MTAP: variants seen among roughly 807,000 people sequenced by gnomAD.
MTAP encodes the protein methylthioadenosine phosphorylase, also known as S-methyl-5'-thioadenosine phosphorylase.
MTAP carries 33 observed loss-of-function variants against 33.6 expected under a neutral mutation model. That is an observed-to-expected ratio of 0.98 (90% CI 0.74 to 1.31). MTAP has a LOEUF of 1.31. MTAP is among the 40% of genes most tolerant of loss of function. The pLI is 0.00. For missense variants in MTAP, 367 were observed against 360.0 expected (o/e 1.02, Z -0.16); for synonymous variants, 148 against 125.7 (o/e 1.18, Z -1.19).
rs1818355344 is a variant in MTAP, at chr9:21,899,597, C to CAT, written c.148-31410_148-31409insTA. 2.0e-5 allele frequency among the ~76,000 whole-genome samples: 3 copies of CAT among 152,210 alleles called. No individual in the cohort carries two copies. In the South Asian group the frequency reaches 6.2e-4, roughly 32 times the overall value. On this transcript the variant is annotated intron_variant, in intron 1 of 1. Transcript: ENST00000577563. ...AACGGGAAGCAAGACACCTTCTTTA[C>CAT]AGGGTGGCAGGACAGAGTGAGTGCA...
At chr9:21,926,095 A>G (rs1486462375) in intron 1 of MTAP, among the ~76,000 whole-genome samples, 1 of 152,210 alleles carries the variant, frequency 6.6e-6, no homozygotes, top group African/African-American at 2.4e-5. Flanking sequence ...GAAGTCACAC[A>G]CAAGGATGAA....
intron 1 of MTAP, among the ~76,000 whole-genome samples, chr9:21,924,148 G>T (rs1005876295): frequency 6.6e-6 from 1 of 152,168 alleles, no homozygotes; most frequent in African/African-American, 2.4e-5. Flanking sequence ...AGTAAGACAG[G>T]TTCATTCTGG....
At chr9:21,925,086 T>C (rs1190087165) in intron 1 of MTAP, among the ~76,000 whole-genome samples, 2 of 152,306 alleles carry the variant, frequency 1.3e-5, no homozygotes, top group South Asian at 2.1e-4. Context: ...TCAGCCCCAA[T>C]TGGGATTACA....
chr9:21,831,652 A>G (rs893705221), intron 4 of MTAP, among the ~76,000 whole-genome samples: 5 of 152,212 alleles, frequency 3.3e-5, no homozygotes, highest in Non-Finnish European at 7.3e-5. Flanking sequence ...AAAGGATCAG[A>G]TGAGTAGGAC....
intron 1 of MTAP, chr9:21,813,852 G>T (rs1478649778): frequency 6.6e-6 from 1 of 152,178 alleles, no homozygotes; most frequent in Non-Finnish European, 1.5e-5. Flanking sequence ...AGATGGAGAA[G>T]CCAGGCTAAG....
In MTAP at chr9:21,865,242, A is replaced by G; in HGVS notation, c.*3228A>G. On this transcript the variant is annotated 3_prime_UTR_variant, in exon 8 of 8. Transcript: ENST00000644715. ...TCTCACAAGTCCTGTTTGTTTTATA[A>G]GGGGCTTTTCCCCCTTTTGCTCAAC... The G allele has an allele frequency of 2.1e-6, 1 of 479,972 alleles. No individual in the cohort carries two copies. The highest frequency in any genetic ancestry group is 2.7e-6 in the Non-Finnish European group (1 of 368,150). The allele number at this position is 479,972 out of a possible 1,614,324, so 29.7% of individuals were successfully genotyped here. A position where few individuals can be genotyped will look rare whatever the true frequency, so the allele number is the denominator to read the frequency against.
rs4007652 is a variant in MTAP at position 21,815,590 on chromosome 9, T to TAAAAAAA, written c.120+79_120+85dup. ...CTCCTTGCTGGCTTGATTTTTGAAT[T>TAAAAAAA]AAAAAAAAAAAAAAGAATTGCTTTT... On this transcript the variant is annotated intron_variant, in intron 2 of 7. Coordinates refer to ENST00000644715, the MANE Select transcript of MTAP (RefSeq NM_002451.4). The TAAAAAAA allele has an allele frequency of 2.2e-5, 17 of 757,928 alleles. No homozygotes were observed. The African/African-American group carries it at 2.7e-4, about 12-fold the overall frequency. 47.0% of individuals were successfully genotyped at this position (757,928 alleles called of 1,614,324 possible). A position where few individuals can be genotyped will look rare whatever the true frequency, so the allele number is the denominator to read the frequency against.
At chr9:21,847,130 C>T (rs565434546) in intron 5 of MTAP, among the ~76,000 whole-genome samples, 8 of 152,328 alleles carry the variant, frequency 5.3e-5, no homozygotes, top group East Asian at 1.9e-4. Context: ...ATCTTTCTCC[C>T]GTGCTGGATA....
At chr9:21,883,704 T>G (rs1818055137) in intron 1 of MTAP, among the ~76,000 whole-genome samples, 1 of 149,810 alleles carries the variant, frequency 6.7e-6, no homozygotes, top group Admixed American at 6.7e-5. Flanking sequence ...AAAAATCTGC[T>G]GATGTAGCCA....
At chr9:21,841,891 C>G (rs992565299) in intron 5 of MTAP, among the ~76,000 whole-genome samples, 1 of 152,160 alleles carries the variant, frequency 6.6e-6, no homozygotes, top group Non-Finnish European at 1.5e-5. Context: ...CCCAAAAGAT[C>G]ACACCAGCTC....
intron 4 of MTAP, among the ~76,000 whole-genome samples, chr9:21,832,549 TCTTCACCTTC>T (rs1175678358): frequency 3.3e-5 from 5 of 152,194 alleles, no homozygotes. Context: ...AAGCATAAAC[TCTTCACCTTC>T]CTTCACCTTC....
chr9:21,914,129 CAAT>C (rs1163162289), intron 1 of MTAP, among the ~76,000 whole-genome samples: 1 of 152,144 alleles, frequency 6.6e-6, no homozygotes, highest in Non-Finnish European at 1.5e-5. Context: ...AGTCAGGAAA[CAAT>C]AGGTGCTGGA....
At chr9:21,833,605 C>A (rs1242294514) in intron 4 of MTAP, among the ~76,000 whole-genome samples, 1 of 152,180 alleles carries the variant, frequency 6.6e-6, no homozygotes, top group Non-Finnish European at 1.5e-5. Context: ...TGGGTAGATT[C>A]ACTTCCCCTA....
At chr9:21,830,744 T>C (rs184587020) in intron 4 of MTAP, among the ~76,000 whole-genome samples, 1 of 152,252 alleles carries the variant, frequency 6.6e-6, no homozygotes. Context: ...TTTCTATTAA[T>C]AGGGGAAAAA....
At chr9:21,834,523 T>C (rs1284522510) in intron 4 of MTAP, among the ~76,000 whole-genome samples, 1 of 152,210 alleles carries the variant, frequency 6.6e-6, no homozygotes, top group Non-Finnish European at 1.5e-5. Context: ...TGCATTCCTT[T>C]CTGGAGGCTT....
chr9:21,838,944 G>A (rs1825176886), intron 5 of MTAP, among the ~76,000 whole-genome samples: 1 of 152,212 alleles, frequency 6.6e-6, no homozygotes, highest in African/African-American at 2.4e-5. Flanking sequence ...CATATAGAGA[G>A]TAGATGATTT....
intron 6 of MTAP, chr9:21,856,337 T>C (rs899231134): frequency 2.3e-5 from 5 of 215,522 alleles, no homozygotes; most frequent in Non-Finnish European, 4.0e-5. Context: ...TCTTTGTTTT[T>C]CATGAATTCC....
intron 1 of MTAP, among the ~76,000 whole-genome samples, chr9:21,810,029 G>C (rs1824306218): frequency 6.6e-6 from 1 of 152,226 alleles, no homozygotes; most frequent in African/African-American, 2.4e-5. Context: ...TGGATGTTTT[G>C]AGCGCTTGCA....
Position 21,863,981 on chromosome 9 carries a change from C to T in MTAP, c.*1967C>T. On this transcript the variant is annotated 3_prime_UTR_variant, in exon 8 of 8. Coordinates refer to ENST00000644715, the MANE Select transcript of MTAP (RefSeq NM_002451.4). ...GCAATCTGTAGAGAACTTAATGAAC[C>T]TGAACCCAGGCTTCTCTAGCTCTGG... 1.0e-6 allele frequency: 1 copy of T among 985,706 alleles called. No homozygotes were observed. The highest frequency in any genetic ancestry group is 1.2e-6 in the Non-Finnish European group (1 of 829,916). 61.1% of individuals were successfully genotyped at this position (985,706 alleles called of 1,614,324 possible).
Sources: gnomAD v4.1 joint callset for allele counts (sites outside exome capture counted in the v4.1 genomes callset) on GRCh38, gnomAD v4.1.1 for gene constraint, MANE v1.5 for transcripts, NCBI Gene and HGNC (gene_info 2026-07-23, HGNC 2026-07-21) for gene names.